DENND1B: variants seen among roughly 807,000 people sequenced by gnomAD.
DENND1B encodes the protein DENN domain containing 1B, also known as DENN domain-containing protein 1B.
In DENND1B, 59 loss-of-function variants were observed where a neutral mutation model predicts 90.1. The ratio of observed to expected loss-of-function variants is 0.65; its 90% CI spans 0.53 to 0.81. The LOEUF (loss-of-function observed/expected upper bound fraction) is 0.81. DENND1B is among the 40% of genes least tolerant of loss of function. The probability of loss-of-function intolerance (pLI) is 0.00; values close to 1 mark genes in which losing one functional copy is unlikely to be tolerated. For synonymous variants in DENND1B, 337 were observed against 324.6 expected (o/e 1.04, Z -0.41); for missense variants, 862 against 912.6 (o/e 0.94, Z 0.71).
intron 3 of DENND1B, among the ~76,000 whole-genome samples, chr1:197,676,849 T>C (rs1656128446): frequency 6.6e-6 from 1 of 152,092 alleles, no homozygotes; most frequent in Admixed American, 6.6e-5. Flanking sequence ...GTATCTCTAG[T>C]AATAAGCATT....
At chr1:197,622,001 A>C (rs1678213806) in intron 10 of DENND1B, among the ~76,000 whole-genome samples, 1 of 151,374 alleles carries the variant, frequency 6.6e-6, no homozygotes, top group Admixed American at 6.6e-5. Context: ...TTTACTATGG[A>C]CTTCAATTAC....
chr1:197,681,217 G>C (rs1436542910), intron 3 of DENND1B, among the ~76,000 whole-genome samples: 1 of 152,046 alleles, frequency 6.6e-6, no homozygotes, highest in African/African-American at 2.4e-5. Flanking sequence ...TATGGATATA[G>C]ATACAGATGT....
intron 10 of DENND1B, among the ~76,000 whole-genome samples, chr1:197,619,199 T>G (rs1677924955): frequency 6.6e-6 from 1 of 151,282 alleles, no homozygotes. Flanking sequence ...TTTAAATTCC[T>G]TAATTAGAGC....
At chr1:197,772,717 C>T (rs1367639011) in intron 2 of DENND1B, 151 bp downstream of exon 2, 9 of 632,628 alleles carry the variant, frequency 1.4e-5, no homozygotes, top group East Asian at 2.8e-5. Context: ...TCCAGCTACT[C>T]GGGAGGCTGA....
In DENND1B at chr1:197,754,613, G is replaced by A. The variant is rs752748118; in HGVS notation, c.82+18255C>T. Among the ~76,000 whole-genome samples, 21 of 126,998 alleles carry A rather than the reference G, an allele frequency of 1.7e-4. 1 individual carries two copies. The highest frequency in any genetic ancestry group is 3.8e-4 in the Admixed American group (4 of 10,400). 83.3% of individuals were successfully genotyped at this position (126,998 alleles called of 152,430 possible). A position where few individuals can be genotyped will look rare whatever the true frequency, so the allele number is the denominator to read the frequency against. On this transcript the variant is annotated intron_variant, in intron 2 of 22. Coordinates refer to ENST00000620048, the MANE Select transcript of DENND1B (RefSeq NM_001195215.2). ...GCAAAGGCTGCAGTAAGCCAAGATC[G>A]TGCTACGCCGCACTCTAGCCTGGGC...
intron 2 of DENND1B, among the ~76,000 whole-genome samples, chr1:197,726,969 GA>G (rs930220346): frequency 2.6e-5 from 4 of 152,202 alleles, no homozygotes; most frequent in Admixed American, 6.5e-5. Flanking sequence ...GATGTAGAAT[GA>G]AAAGCAAATG....
chr1:197,698,159 A>G (rs1412039269), intron 3 of DENND1B, among the ~76,000 whole-genome samples: 2 of 152,162 alleles, frequency 1.3e-5, no homozygotes, highest in Non-Finnish European at 2.9e-5. Context: ...AATTGACCAC[A>G]TAATTGGAAG....
chr1:197,567,582 A>G (rs1672785478), intron 15 of DENND1B, among the ~76,000 whole-genome samples: 1 of 152,146 alleles, frequency 6.6e-6, no homozygotes, highest in South Asian at 2.1e-4. Flanking sequence ...AGATGCAAAA[A>G]TCTTCAACAA....
intron 10 of DENND1B, among the ~76,000 whole-genome samples, chr1:197,627,059 C>T (rs1401651764): frequency 1.3e-5 from 2 of 152,006 alleles, no homozygotes; most frequent in Non-Finnish European, 2.9e-5. Flanking sequence ...CCAAAAGAGT[C>T]CAGGACCAGA....
At chr1:197,572,459 G>A (rs1214726152) in intron 15 of DENND1B, among the ~76,000 whole-genome samples, 2 of 152,232 alleles carry the variant, frequency 1.3e-5, no homozygotes, top group African/African-American at 2.4e-5. Context: ...AAGGCCTACT[G>A]CCTCTATAGA....
intron 18 of DENND1B, among the ~76,000 whole-genome samples, chr1:197,543,207 T>C (rs1670474095): frequency 6.6e-6 from 1 of 152,212 alleles, no homozygotes; most frequent in South Asian, 2.1e-4. Context: ...GTGCTGGGAT[T>C]ACAGGTGTGA....
At chr1:197,623,812 C>T (rs1678394196) in intron 10 of DENND1B, among the ~76,000 whole-genome samples, 2 of 151,528 alleles carry the variant, frequency 1.3e-5, no homozygotes, top group African/African-American at 4.8e-5. Context: ...TTTACAGTGA[C>T]ATGTATCCAC....
At chr1:197,650,098 A>AATCACTGATG (rs1422774292) in intron 7 of DENND1B, among the ~76,000 whole-genome samples, 1 of 152,240 alleles carries the variant, frequency 6.6e-6, no homozygotes, top group African/African-American at 2.4e-5. Context: ...AAACATGAAA[A>AATCACTGATG]AAAAGCTTAA....
intron 15 of DENND1B, among the ~76,000 whole-genome samples, chr1:197,578,545 T>TA (rs1192969663): frequency 6.6e-6 from 1 of 152,044 alleles, no homozygotes; most frequent in Non-Finnish European, 1.5e-5. Flanking sequence ...GTGCCCGGCC[T>TA]AAAAAAGTAG....
chr1:197,627,613 G>C (rs548576470), intron 10 of DENND1B, among the ~76,000 whole-genome samples: 1 of 151,626 alleles, frequency 6.6e-6, no homozygotes, highest in Non-Finnish European at 1.5e-5. Context: ...CTTTGAAAAC[G>C]GGCACAAGAC....
At position 197,672,907 on chromosome 1, in the gene DENND1B, T is replaced by C. The variant is rs538634140; in HGVS notation, c.177-751A>G. On this transcript the variant is annotated intron_variant, in intron 4 of 22. Coordinates refer to ENST00000620048, the MANE Select transcript of DENND1B (RefSeq NM_001195215.2). Reference sequence around the variant, plus strand: ...ATTTAAAATATATGAATATATTTCCTAGTACTGGCTGTAATCTTGCCATTA... The same window carrying C: ...ATTTAAAATATATGAATATATTTCCCAGTACTGGCTGTAATCTTGCCATTA... 2.6e-5 allele frequency among the ~76,000 whole-genome samples: 4 copies of C among 152,158 alleles called. No homozygotes were observed. In the East Asian group the frequency reaches 7.7e-4, roughly 29 times the overall value.
At chr1:197,747,000 T>C in intron 2 of DENND1B, 2 of 914,092 alleles carry the variant, frequency 2.2e-6, no homozygotes, top group Admixed American at 3.4e-5. Context: ...CAAGGCCTGA[T>C]TTCTCAACAT....
At chr1:197,512,645 G>A (rs1050040807) in intron 21 of DENND1B, among the ~76,000 whole-genome samples, 1 of 151,472 alleles carries the variant, frequency 6.6e-6, no homozygotes, top group African/African-American at 2.4e-5. Flanking sequence ...TATCTCTGTA[G>A]ACATTATTGC....
chr1:197,560,433 A>G (rs972478499), intron 15 of DENND1B, among the ~76,000 whole-genome samples: 2 of 151,890 alleles, frequency 1.3e-5, no homozygotes, highest in African/African-American at 4.8e-5. Flanking sequence ...TGAGTGTTAG[A>G]GAATAAGATA....
Sources: gnomAD v4.1 joint callset for allele counts (sites outside exome capture counted in the v4.1 genomes callset) on GRCh38, gnomAD v4.1.1 for gene constraint, MANE v1.5 for transcripts, NCBI Gene and HGNC (gene_info 2026-07-23, HGNC 2026-07-21) for gene names.